PLEKHA5: variants seen among roughly 807,000 people sequenced by gnomAD.
The protein encoded by PLEKHA5 is pleckstrin homology domain containing A5.
Under a neutral mutation model 181.9 loss-of-function variants are expected in PLEKHA5, and 55 were observed. That is an observed-to-expected ratio of 0.30 (90% CI 0.24 to 0.38). PLEKHA5 has a LOEUF of 0.38. PLEKHA5 is among the 10% of genes least tolerant of loss of function. The pLI is 1.00. For missense variants in PLEKHA5, 1,432 were observed against 1,549.5 expected (o/e 0.92, Z 1.27); for synonymous variants, 535 against 529.4 (o/e 1.01, Z -0.15).
chr12:19,306,317 T>A, intron 15 of PLEKHA5: 1 of 392,882 alleles, frequency 2.5e-6, no homozygotes, highest in Non-Finnish European at 5.0e-6. Context: ...AATTGTGGGG[T>A]TGGAGGCGAG....
chr12:19,246,681 ATTT>A, intron 3 of PLEKHA5, among the ~76,000 whole-genome samples: 1 of 151,474 alleles, frequency 6.6e-6, no homozygotes. Flanking sequence ...TCAAATTCTG[ATTT>A]TTAAATAACT....
intron 3 of PLEKHA5, among the ~76,000 whole-genome samples, chr12:19,217,987 A>G (rs1432907730): frequency 6.6e-6 from 1 of 152,240 alleles, no homozygotes; most frequent in Non-Finnish European, 1.5e-5. Flanking sequence ...TCTGTGGGTC[A>G]GGAAATTGCT....
chr12:19,307,863 TCTC>T (rs1488989073), intron 15 of PLEKHA5, among the ~76,000 whole-genome samples: 1 of 149,858 alleles, frequency 6.7e-6, no homozygotes, highest in African/African-American at 2.5e-5. Flanking sequence ...TGGAACAAGA[TCTC>T]CTAAAAAGTC....
intron 19 of PLEKHA5, 41 bp from the exon 20 acceptor site, chr12:19,322,477 A>T (rs772519988): frequency 6.2e-7 from 1 of 1,603,884 alleles, no homozygotes; most frequent in South Asian, 1.1e-5. Flanking sequence ...AATTAATACA[A>T]TGATGCAGAA....
chr12:19,162,941 T>TA (rs763310430), intron 3 of PLEKHA5, among the ~76,000 whole-genome samples: 14 of 152,232 alleles, frequency 9.2e-5, no homozygotes, highest in Non-Finnish European at 1.9e-4. Context: ...TAGACTAGTC[T>TA]AGTGTCTTCA....
chr12:19,145,537 C>A (rs2038704833), intron 3 of PLEKHA5, among the ~76,000 whole-genome samples: 1 of 152,120 alleles, frequency 6.6e-6, no homozygotes, highest in Non-Finnish European at 1.5e-5. Context: ...AGGTACTATT[C>A]TTTAACTTTT....
chr12:19,131,960 TC>T (rs1430243704), intron 2 of PLEKHA5, among the ~76,000 whole-genome samples: 1 of 152,200 alleles, frequency 6.6e-6, no homozygotes, highest in Admixed American at 6.5e-5. Context: ...TGGTGACACT[TC>T]CTAGATGGAT....
Position 19,132,587 on chromosome 12 carries a change from G to C in PLEKHA5, c.227+137G>C, listed in dbSNP as rs376187829. The C allele has an allele frequency of 5.3e-6, 3 of 565,534 alleles. No homozygotes were observed. In the African/African-American group the frequency reaches 6.0e-5, roughly 11 times the overall value. The allele number at this position is 565,534 out of a possible 1,614,324, so 35.0% of individuals were successfully genotyped here. ...TAATGGTGACTGTATTCTTTATTTT[G>C]TATAGTGTCAGAATTTTGAGAGAAG... On this transcript the variant is annotated intron_variant, in intron 3 of 31. Transcript: ENST00000429027.
intron 3 of PLEKHA5, among the ~76,000 whole-genome samples, chr12:19,213,642 TA>T (rs2057393518): frequency 6.6e-6 from 1 of 152,150 alleles, no homozygotes; most frequent in African/African-American, 2.4e-5. Flanking sequence ...AGATAGGGCA[TA>T]GATTCCTTAA....
At chr12:19,333,319 G>T (rs1032882272) in intron 20 of PLEKHA5, among the ~76,000 whole-genome samples, 6 of 151,454 alleles carry the variant, frequency 4.0e-5, no homozygotes, top group African/African-American at 1.5e-4. Context: ...GTGGCTCATG[G>T]GTGTAATCCC....
At chr12:19,241,393 A>G (rs958609780) in intron 3 of PLEKHA5, among the ~76,000 whole-genome samples, 1 of 152,188 alleles carries the variant, frequency 6.6e-6, no homozygotes, top group African/African-American at 2.4e-5. Flanking sequence ...GTGGATTCAG[A>G]TGCTGTTAAG....
At chr12:19,164,162 A>G (rs967655787) in intron 3 of PLEKHA5, among the ~76,000 whole-genome samples, 8 of 140,484 alleles carry the variant, frequency 5.7e-5, no homozygotes, top group African/African-American at 1.3e-4. Context: ...CTCATTCTTG[A>G]TATTTTCCCC....
chr12:19,245,373 G>C (rs2063467298), intron 3 of PLEKHA5, among the ~76,000 whole-genome samples: 1 of 152,064 alleles, frequency 6.6e-6, no homozygotes, highest in Non-Finnish European at 1.5e-5. Flanking sequence ...ATTTTGACTG[G>C]AGTTAGCTCG....
chr12:19,267,687 G>C (rs1436739545), intron 8 of PLEKHA5, among the ~76,000 whole-genome samples: 1 of 148,188 alleles, frequency 6.7e-6, no homozygotes, highest in Non-Finnish European at 1.5e-5. Flanking sequence ...AAAATAGCCA[G>C]GCACGGTGGC....
At chr12:19,320,687 A>C (rs943509080) in intron 18 of PLEKHA5, 63 bp downstream of exon 18, 8 of 746,182 alleles carry the variant, frequency 1.1e-5, no homozygotes, top group Non-Finnish European at 1.8e-5. Flanking sequence ...AAACACTGGA[A>C]ATAAGCATGA....
intron 11 of PLEKHA5, among the ~76,000 whole-genome samples, chr12:19,279,361 G>C (rs1318527001): frequency 1.3e-5 from 2 of 152,044 alleles, no homozygotes; most frequent in African/African-American, 4.8e-5. Flanking sequence ...AGCTCTTTCT[G>C]TAACCCCAAG....
At chr12:19,287,754 GTGTC>G (rs1461745776) in intron 13 of PLEKHA5, among the ~76,000 whole-genome samples, 198 bp downstream of exon 13, 2 of 152,172 alleles carry the variant, frequency 1.3e-5, no homozygotes, top group East Asian at 3.9e-4. Flanking sequence ...CTTTTCCTAA[GTGTC>G]TGACTGGCCA....
intron 3 of PLEKHA5, among the ~76,000 whole-genome samples, chr12:19,247,638 T>C (rs2064078054): frequency 6.6e-6 from 1 of 152,020 alleles, no homozygotes; most frequent in South Asian, 2.1e-4. Context: ...GGCCTTTCAT[T>C]TACTCTTCTG....
At chr12:19,242,362 C>T (rs2062809963) in intron 3 of PLEKHA5, among the ~76,000 whole-genome samples, 1 of 152,016 alleles carries the variant, frequency 6.6e-6, no homozygotes, top group Non-Finnish European at 1.5e-5. Context: ...CCTCATCCTC[C>T]CTAGTAGCTG....
Sources: gnomAD v4.1 joint callset for allele counts (sites outside exome capture counted in the v4.1 genomes callset) on GRCh38, gnomAD v4.1.1 for gene constraint, MANE v1.5 for transcripts, NCBI Gene and HGNC (gene_info 2026-07-23, HGNC 2026-07-21) for gene names.